Variants in DEPTOR observed in about 807,000 individuals in gnomAD.
The protein encoded by DEPTOR is DEP domain containing MTOR interacting protein.
Under a neutral mutation model 41.6 loss-of-function variants are expected in DEPTOR, and 41 were observed. That is an observed-to-expected ratio of 0.98 (90% confidence interval 0.77 to 1.28). The LOEUF is 1.28. DEPTOR is among the 50% of genes most tolerant of loss of function. DEPTOR has a pLI of 0.00. For synonymous variants in DEPTOR, 195 were observed against 192.3 expected, an observed-to-expected ratio of 1.01 and a Z score of -0.12; for missense variants, 514 against 527.9, an observed-to-expected ratio of 0.97 and a Z score of 0.26.
At chr8:119,974,262 A>AAAAG (rs1586639806) in intron 4 of DEPTOR, among the ~76,000 whole-genome samples, 1 of 146,228 alleles carries the variant, frequency 6.8e-6, no homozygotes, top group Non-Finnish European at 1.5e-5. Context: ...AAAAAAAAAA[A>AAAAG]AGAGAAAGAA....
intron 8 of DEPTOR, among the ~76,000 whole-genome samples, chr8:120,039,263 C>G (rs1378077292): frequency 5.3e-5 from 8 of 152,156 alleles, no homozygotes; most frequent in Non-Finnish European, 1.0e-4. Flanking sequence ...CTGCCAGCAC[C>G]TTGATCTTGG....
At chr8:119,951,288 G>T (rs1189066359) in intron 3 of DEPTOR, among the ~76,000 whole-genome samples, 1 of 152,138 alleles carries the variant, frequency 6.6e-6, no homozygotes, top group Non-Finnish European at 1.5e-5. Flanking sequence ...TTAGAACCCA[G>T]CTTCCCTTGA....
intron 8 of DEPTOR, among the ~76,000 whole-genome samples, chr8:120,044,639 A>G (rs1397459111): frequency 3.3e-5 from 5 of 152,226 alleles, no homozygotes; most frequent in Non-Finnish European, 7.3e-5. Context: ...CAGCAGAGGA[A>G]AGGTGATACC....
intron 1 of DEPTOR, among the ~76,000 whole-genome samples, chr8:119,888,587 G>A (rs1165953615): frequency 2.0e-5 from 3 of 152,136 alleles, no homozygotes; most frequent in African/African-American, 4.8e-5. Flanking sequence ...CTGGCACGGT[G>A]GCTCACGCCT....
chr8:119,967,753 CAAA>C (rs369574750), intron 4 of DEPTOR, among the ~76,000 whole-genome samples: 12 of 85,058 alleles, frequency 1.4e-4, no homozygotes, highest in Admixed American at 1.3e-4. Flanking sequence ...GACTTCGTCC[CAAA>C]AAAAAAAAAA....
intron 3 of DEPTOR, among the ~76,000 whole-genome samples, chr8:119,938,136 A>C (rs994807936): frequency 2.0e-5 from 3 of 152,240 alleles, no homozygotes; most frequent in African/African-American, 7.2e-5. Context: ...CAACTACCGC[A>C]AAATGTACAA....
In DEPTOR at chr8:119,927,316, T is replaced by C. The variant is rs75850677; in HGVS notation, c.123-1084T>C. Among the ~76,000 whole-genome samples the C allele has an allele frequency of 9.1e-3, 1,386 of 152,214 alleles. 17 individuals carry two copies. Among genetic ancestry groups the C allele is most frequent in the African/African-American group, 0.032 (1,337 of 41,530 alleles). Reference sequence around the variant, plus strand: ...GGACAATATTGGTATTAGTAACAGATACCTGAATAAACTCACTAAAGCACA... The same window carrying C: ...GGACAATATTGGTATTAGTAACAGACACCTGAATAAACTCACTAAAGCACA... On this transcript the variant is annotated intron_variant, in intron 1 of 8. Transcript: ENST00000286234.
chr8:119,986,934 AT>A (rs1402038434), intron 4 of DEPTOR, among the ~76,000 whole-genome samples: 1 of 151,278 alleles, frequency 6.6e-6, no homozygotes, highest in Non-Finnish European at 1.5e-5. Context: ...TTCCTCTAAC[AT>A]TTTTTTCAAG....
At chr8:120,045,700 A>T (rs1479337153) in intron 8 of DEPTOR, among the ~76,000 whole-genome samples, 3 of 152,182 alleles carry the variant, frequency 2.0e-5, no homozygotes, top group African/African-American at 4.8e-5. Context: ...AATTAAATTC[A>T]GTTGAAGTGA....
intron 1 of DEPTOR, among the ~76,000 whole-genome samples, chr8:119,892,145 C>A (rs908011979): frequency 1.3e-5 from 2 of 152,254 alleles, no homozygotes; most frequent in Admixed American, 1.3e-4. Context: ...ACTACAGGCA[C>A]GTGCCACCAC....
intron 1 of DEPTOR, among the ~76,000 whole-genome samples, chr8:119,905,458 C>T (rs1302049197): frequency 2.6e-5 from 4 of 152,108 alleles, no homozygotes; most frequent in Admixed American, 6.6e-5. Context: ...AAGCACCATA[C>T]AGAGACAAGA....
intron 3 of DEPTOR, among the ~76,000 whole-genome samples, chr8:119,949,942 A>G (rs1828331892): frequency 6.6e-6 from 1 of 152,164 alleles, no homozygotes; most frequent in Non-Finnish European, 1.5e-5. Context: ...AGCCTCCTAA[A>G]GTGCTGGGAT....
intron 3 of DEPTOR, among the ~76,000 whole-genome samples, chr8:119,937,183 C>T (rs868044566): frequency 6.6e-6 from 1 of 152,080 alleles, no homozygotes; most frequent in African/African-American, 2.4e-5. Context: ...AGGCGGATCA[C>T]GAGGTCAGGA....
Position 119,900,153 on chromosome 8 carries a change from T to C in DEPTOR, c.122+26185T>C, listed in dbSNP as rs148516590. ...GGCCAACATGGTAAAACCCCGTCTT[T>C]ACTAAAGATACAAAATATTAGCCAG... On this transcript the variant is annotated intron_variant, in intron 1 of 8. Transcript: ENST00000286234. Among the ~76,000 whole-genome samples the C allele has an allele frequency of 7.4e-3, 1,125 of 151,714 alleles. 12 individuals carry two copies. The highest frequency in any genetic ancestry group is 0.025 in the African/African-American group (1,027 of 41,338).
intron 8 of DEPTOR, among the ~76,000 whole-genome samples, chr8:120,034,755 T>C (rs554913435): frequency 1.2e-4 from 19 of 152,284 alleles, no homozygotes; most frequent in African/African-American, 3.8e-4. Context: ...TGGCTATGAT[T>C]AGTAACTTTA....
intron 3 of DEPTOR, among the ~76,000 whole-genome samples, chr8:119,962,107 A>T (rs1031039202): frequency 6.7e-6 from 1 of 149,802 alleles, no homozygotes; most frequent in African/African-American, 2.5e-5. Flanking sequence ...AAAAAAAAAA[A>T]GTAGCTGGAC....
rs550987004 is a variant in DEPTOR at position 119,890,567 on chromosome 8, T to C, written c.122+16599T>C. Among the ~76,000 whole-genome samples, 16 of 152,250 alleles carry C rather than the reference T, an allele frequency of 1.1e-4. No homozygotes were observed. In the South Asian group the frequency reaches 3.3e-3, roughly 32 times the overall value. ...ATCCACCCACCTCGGCCTCCCAAAT[T>C]GTTAGGATTACAGGCATGAGCCACC... On this transcript the variant is annotated intron_variant, in intron 1 of 8. Transcript: ENST00000286234.
intron 8 of DEPTOR, among the ~76,000 whole-genome samples, chr8:120,013,882 C>T (rs890711970): frequency 2.6e-5 from 4 of 151,730 alleles, no homozygotes; most frequent in African/African-American, 9.7e-5. Context: ...CTCTCGTCGC[C>T]CAGCTGGCGT....
chr8:119,942,453 AC>A (rs1324776632), intron 3 of DEPTOR, among the ~76,000 whole-genome samples: 9 of 152,132 alleles, frequency 5.9e-5, no homozygotes, highest in Non-Finnish European at 1.0e-4. Context: ...CGATCTGCCC[AC>A]CCTGGCTTCC....
Sources: gnomAD v4.1 joint callset for allele counts (sites outside exome capture counted in the v4.1 genomes callset) on GRCh38, gnomAD v4.1.1 for gene constraint, MANE v1.5 for transcripts, NCBI Gene and HGNC (gene_info 2026-07-23, HGNC 2026-07-21) for gene names.